GABBR2: variants seen among roughly 807,000 people sequenced by gnomAD.
GABBR2 encodes gamma-aminobutyric acid type B receptor subunit 2, also known as G-protein coupled receptor 51.
A neutral mutation model predicts 105.6 loss-of-function variants in GABBR2; 23 were observed. The observed-to-expected ratio is 0.22, with a 90% CI of 0.16 to 0.31. The LOEUF is 0.31. Ranked by LOEUF, GABBR2 falls within the 10% of genes least tolerant of loss-of-function variation. The probability of loss-of-function intolerance (pLI) is 1.00; values close to 1 mark genes in which losing one functional copy is unlikely to be tolerated. For missense variants in GABBR2, 734 were observed against 1,245.5 expected, an observed-to-expected ratio of 0.59 and a Z score of 6.18; for synonymous variants, 478 against 499.7, an observed-to-expected ratio of 0.96 and a Z score of 0.58.
At position 98,576,904 on chromosome 9, in the gene GABBR2, TTGGATGGATGGATGGA is replaced by T. The variant is rs71369567; in HGVS notation, c.459+1015_459+1030del. ...CAGAGTAAGTTGCCTAAAATATTTG[TTGGATGGATGGATGGA>T]TGGATGGATGGATGGATGGATGGAT... On this transcript the variant is annotated intron_variant, in intron 2 of 18. Coordinates refer to ENST00000259455, the MANE Select transcript of GABBR2 (RefSeq NM_005458.8). Among the ~76,000 whole-genome samples the T allele has an allele frequency of 2.2e-3, 222 of 99,608 alleles. 2 individuals are homozygous for T. Among genetic ancestry groups the T allele is most frequent in the Admixed American group, 6.6e-3 (57 of 8,698 alleles). The allele number at this position is 99,608 out of a possible 152,430, so 65.3% of individuals were successfully genotyped here.
chr9:98,373,333 T>C (rs912629989), intron 11 of GABBR2, among the ~76,000 whole-genome samples: 20 of 152,070 alleles, frequency 1.3e-4, no homozygotes, highest in African/African-American at 4.8e-4. Context: ...CCAGGGTGAT[T>C]TTTTGGAGGT....
chr9:98,345,626 TAAG>T lies in GABBR2; in HGVS notation c.1893+17086_1893+17088del, dbSNP rs553213174. Among the ~76,000 whole-genome samples, 508 of 152,256 alleles carry T rather than the reference TAAG, an allele frequency of 3.3e-3. 3 individuals are homozygous for T. The highest frequency in any genetic ancestry group is 0.012 in the African/African-American group (490 of 41,556). On this transcript the variant is annotated intron_variant, in intron 13 of 18. Transcript: ENST00000259455. ...TAATGCAGTAAGTCAAGAAAGGAAA[TAAG>T]AAGTATACAGACTGGGAAGGAAGAA...
intron 6 of GABBR2, among the ~76,000 whole-genome samples, chr9:98,460,036 AAGAAG>A (rs764133434): frequency 1.7e-4 from 26 of 152,346 alleles, no homozygotes; most frequent in Non-Finnish European, 3.4e-4. Context: ...AAGGAAGAAA[AAGAAG>A]AGAAAAGTAT....
At chr9:98,473,425 G>T (rs1322993623) in intron 5 of GABBR2, 79 bp from the exon 6 acceptor site, 4 of 894,422 alleles carry the variant, frequency 4.5e-6, no homozygotes, top group Non-Finnish European at 7.3e-6. Context: ...CAGGTGGGGA[G>T]GAAGGCTTCC....
chr9:98,631,662 C>T (rs959211247), intron 1 of GABBR2, among the ~76,000 whole-genome samples: 4 of 152,150 alleles, frequency 2.6e-5, no homozygotes, highest in East Asian at 1.9e-4. Flanking sequence ...TTAAAGTAAT[C>T]GAGTCCTCTA....
Position 98,301,770 on chromosome 9 carries a change from T to A in GABBR2, c.2412+1471A>T, listed in dbSNP as rs191201100. Among the ~76,000 whole-genome samples, 3 of 152,348 alleles carry A rather than the reference T, an allele frequency of 2.0e-5. No individual in the cohort carries two copies. The East Asian group carries it at 5.8e-4, about 29-fold the overall frequency. On this transcript the variant is annotated intron_variant, in intron 16 of 18. Transcript: ENST00000259455. ...GTGAAATGCAGTGACATGGTCGTAC[T>A]CATCAGGAGAGGTCTGATATTGAAA...
At chr9:98,501,153 CT>C (rs199661688) in intron 3 of GABBR2, among the ~76,000 whole-genome samples, 47 of 125,766 alleles carry the variant, frequency 3.7e-4, no homozygotes, top group African/African-American at 1.0e-3. Flanking sequence ...CCCCCTGCTC[CT>C]TTTTTTTTTA....
chr9:98,361,281 C>T (rs958240880), intron 13 of GABBR2, among the ~76,000 whole-genome samples: 1 of 152,164 alleles, frequency 6.6e-6, no homozygotes, highest in Non-Finnish European at 1.5e-5. Flanking sequence ...GTTTCCTCAT[C>T]AGTAAAATGA....
intron 3 of GABBR2, chr9:98,538,500 C>T (rs912017506): frequency 6.3e-5 from 32 of 511,370 alleles, no homozygotes; most frequent in Middle Eastern, 9.5e-4. Context: ...GAGATCAGTA[C>T]CTCAGACCCA....
At chr9:98,438,413 T>C (rs1257363226) in intron 7 of GABBR2, among the ~76,000 whole-genome samples, 1 of 152,066 alleles carries the variant, frequency 6.6e-6, no homozygotes, top group African/African-American at 2.4e-5. Context: ...TGAGGAGACA[T>C]TCAAGAAGTA....
At chr9:98,525,864 G>A (rs370648422) in intron 3 of GABBR2, among the ~76,000 whole-genome samples, 18 of 152,272 alleles carry the variant, frequency 1.2e-4, no homozygotes, top group Non-Finnish European at 1.8e-4. Context: ...ATGCTACAAC[G>A]TGGATGAACC....
intron 7 of GABBR2, among the ~76,000 whole-genome samples, chr9:98,421,018 T>C (rs927396215): frequency 6.6e-6 from 1 of 152,172 alleles, no homozygotes; most frequent in Non-Finnish European, 1.5e-5. Flanking sequence ...GAGGAACAGA[T>C]GGTTTTGGTT....
intron 1 of GABBR2, among the ~76,000 whole-genome samples, chr9:98,655,118 C>T (rs914539416): frequency 3.3e-5 from 5 of 151,976 alleles, no homozygotes; most frequent in Admixed American, 1.3e-4. Flanking sequence ...CTTTTAGGGC[C>T]GTGAAGCTAT....
intron 9 of GABBR2, among the ~76,000 whole-genome samples, chr9:98,390,661 A>G (rs10818863): frequency 0.2 from 30,807 of 151,534 alleles, 4,948 homozygotes; most frequent in African/African-American, 0.45. Context: ...AGCTTCTTCC[A>G]CCTCTGTCCA....
chr9:98,432,398 CTG>C (rs1441998019), intron 7 of GABBR2, among the ~76,000 whole-genome samples: 1 of 152,282 alleles, frequency 6.6e-6, no homozygotes, highest in East Asian at 1.9e-4. Context: ...ATATATCTCT[CTG>C]TAGAAACACG....
At chr9:98,604,892 C>T (rs1829390764) in intron 1 of GABBR2, among the ~76,000 whole-genome samples, 3 of 152,218 alleles carry the variant, frequency 2.0e-5, no homozygotes, top group Admixed American at 2.0e-4. Flanking sequence ...CTAGACCCCT[C>T]ATCTCCCAGG....
In GABBR2 at chr9:98,577,972, A is replaced by G. The variant is rs1588236381; in HGVS notation, c.422T>C (p.Ile141Thr). 6.8e-6 allele frequency: 11 copies of G among 1,613,996 alleles called. No homozygotes were observed. The highest frequency in any genetic ancestry group is 9.3e-6 in the Non-Finnish European group (11 of 1,179,896). Residue 141 changes from isoleucine (I) to threonine (T), a missense_variant, in exon 2 of 19, where the codon ATC (isoleucine) becomes ACC (threonine). By Grantham distance (89) the Ile-to-Thr change is moderately conservative. This residue lies in a region of GABBR2 where 370 missense variants were observed against 648.9 expected (regional missense o/e 0.57). Coordinates refer to ENST00000259455, the MANE Select transcript of GABBR2 (RefSeq NM_005458.8). ...CCAGCCTTGGAGGGACTCTGCAATG[A>G]TGGATGTGACGGATGGACAGACGCC... The part of the protein sequence containing the change: ...FGGVCPSVTS[I>T]IAESLQGWNL...
chr9:98,364,080 G>T (rs1217823301), intron 12 of GABBR2, among the ~76,000 whole-genome samples: 1 of 152,112 alleles, frequency 6.6e-6, no homozygotes, highest in Admixed American at 6.5e-5. Context: ...AGAACACGAG[G>T]AAAGTGTGGG....
In GABBR2 at chr9:98,708,516, C is replaced by A. The variant is rs1266635855; in HGVS notation, c.222G>T (p.Gly74=). The change falls in exon 1 of 19, where the codon GGG becomes GGT. Residue 74 remains glycine (G), a synonymous_variant. Coordinates refer to ENST00000259455, the MANE Select transcript of GABBR2 (RefSeq NM_005458.8). ...LTKEVAKGSI[G]RGVLPAVELA... ...GTTCCACGGCGGGGAGCACACCGCG[C>A]CCGATGCTGCCCTTGGCCACCTCCT... 6.3e-7 allele frequency: 1 copy of A among 1,597,314 alleles called. No homozygotes were observed. Among genetic ancestry groups the A allele is most frequent in the South Asian group, 1.1e-5 (1 of 89,488 alleles).
Sources: allele counts gnomAD v4.1 joint callset (sites outside exome capture counted in the v4.1 genomes callset), GRCh38; gene constraint gnomAD v4.1.1; regional missense constraint gnomAD v4.1.1; transcripts MANE v1.5; gene names NCBI Gene and HGNC (gene_info 2026-07-23, HGNC 2026-07-21).